Variants in COL6A5 observed in about 807,000 individuals in gnomAD.
COL6A5 encodes collagen alpha-5(VI) chain.
A neutral mutation model predicts 65.6 loss-of-function variants in COL6A5; 48 were observed. The observed-to-expected ratio is 0.73, with a 90% CI of 0.58 to 0.93. COL6A5 has a LOEUF of 0.93. COL6A5 is among the 40% of genes least tolerant of loss of function. The pLI, the probability that COL6A5 is intolerant of heterozygous loss-of-function variation, is 0.00. For synonymous variants in COL6A5, 291 were observed against 322.8 expected, an observed-to-expected ratio of 0.90 and a Z score of 1.05; for missense variants, 914 against 928.3, an observed-to-expected ratio of 0.98 and a Z score of 0.20.
At chr3:130,433,600 C>T (rs1489957491) in intron 1 of COL6A5, among the ~76,000 whole-genome samples, 1 of 152,098 alleles carries the variant, frequency 6.6e-6, no homozygotes, top group Non-Finnish European at 1.5e-5. Flanking sequence ...TCCTCTCTGT[C>T]CCCCTCTCTC....
At chr3:130,440,963 A>G (rs931694515) in intron 3 of COL6A5, 138 bp downstream of exon 35, 1 of 733,834 alleles carries the variant, frequency 1.4e-6, no homozygotes, top group South Asian at 1.9e-5. Flanking sequence ...GCAGGAATGG[A>G]TCATTTGCTG....
intron 25 of COL6A5, among the ~76,000 whole-genome samples, chr3:130,419,184 C>T (rs1330352104): frequency 1.3e-5 from 2 of 152,054 alleles, no homozygotes; most frequent in African/African-American, 4.8e-5. Context: ...CAGGGCATTT[C>T]AATACCTTAA....
At chr3:130,471,724 T>G in intron 7 of COL6A5, 1 of 1,534,710 alleles carries the variant, frequency 6.5e-7, no homozygotes, top group Non-Finnish European at 8.7e-7. Context: ...AAAATGGTGA[T>G]CTGTTTGATG....
chr3:130,366,069 AATGCTGCT>A, intron 1 of COL6A5, among the ~76,000 whole-genome samples: 1 of 152,224 alleles, frequency 6.6e-6, no homozygotes. Flanking sequence ...TATGGATAGT[AATGCTGCT>A]GATTTGGGGC....
chr3:130,394,202 GAGA>G (rs1226110419), intron 7 of COL6A5, among the ~76,000 whole-genome samples: 2 of 152,112 alleles, frequency 1.3e-5, no homozygotes, highest in African/African-American at 4.8e-5. Context: ...CACTTCTTCT[GAGA>G]AGTTCTAACA....
intron 2 of COL6A5, 45 bp downstream of exon 2, chr3:130,373,750 A>G (rs2107635102): frequency 8.3e-7 from 1 of 1,197,848 alleles, no homozygotes; most frequent in Non-Finnish European, 1.2e-6. Context: ...AAATATTTTT[A>G]CATCTCAGTA....
chr3:130,390,375 A>C (rs995552255), intron 6 of COL6A5, among the ~76,000 whole-genome samples: 2 of 152,186 alleles, frequency 1.3e-5, no homozygotes, highest in African/African-American at 2.4e-5. Flanking sequence ...AAAATTAAAA[A>C]TTTGAGACTT....
exon 11 of COL6A5, chr3:130,401,148 T>G (rs1488283477): frequency 1.3e-6 from 2 of 1,545,196 alleles, no homozygotes; most frequent in Non-Finnish European, 1.7e-6. Flanking sequence ...ATGAGAGAAC[T>G]GGGCAAAAAA....
At chr3:130,484,012 G>A (rs1486986686) in intron 7 of COL6A5, 23 bp from the exon 41 acceptor site, 1 of 1,603,438 alleles carries the variant, frequency 6.2e-7, no homozygotes, top group Non-Finnish European at 8.5e-7. Flanking sequence ...ATTAAAAGCA[G>A]TGAATATTGT....
intron 1 of COL6A5, among the ~76,000 whole-genome samples, chr3:130,349,874 C>A (rs1934637398): frequency 6.6e-6 from 1 of 152,174 alleles, no homozygotes; most frequent in South Asian, 2.1e-4. Flanking sequence ...TTATTAGTAG[C>A]CCAGGCTTCT....
upstream of COL6A5, among the ~76,000 whole-genome samples, chr3:130,429,223 A>C (rs1159266500): frequency 6.6e-6 from 1 of 152,224 alleles, no homozygotes; most frequent in African/African-American, 2.4e-5. Flanking sequence ...TCAGAAGGCT[A>C]TAAGATGAGG....
At chr3:130,482,831 A>G (rs1485754446) in intron 7 of COL6A5, among the ~76,000 whole-genome samples, 1 of 152,112 alleles carries the variant, frequency 6.6e-6, no homozygotes, top group Non-Finnish European at 1.5e-5. Context: ...TTCACTCATG[A>G]TTTGGCTCTC....
chr3:130,399,775 G>A (rs941880274), intron 10 of COL6A5, among the ~76,000 whole-genome samples: 16 of 151,018 alleles, frequency 1.1e-4, no homozygotes, highest in Non-Finnish European at 1.8e-4. Flanking sequence ...TTTTTTAGAT[G>A]GATTTTTGCT....
At chr3:130,392,811 C>G (rs1936447214) in intron 7 of COL6A5, among the ~76,000 whole-genome samples, 4 of 152,164 alleles carry the variant, frequency 2.6e-5, no homozygotes, top group Non-Finnish European at 5.9e-5. Flanking sequence ...ATAGCTTTAC[C>G]TTACTTAAGT....
chr3:130,410,639 C>A, intron 20 of COL6A5, 115 bp downstream of exon 20: 1 of 830,104 alleles, frequency 1.2e-6, no homozygotes, highest in Non-Finnish European at 1.9e-6. Flanking sequence ...TTTTTCAGGG[C>A]TTCTCCATCT....
At position 130,415,716 on chromosome 3, in the gene COL6A5, CT is replaced by C; in HGVS notation, c.4824+10del. On this transcript the variant is annotated intron_variant and NMD_transcript_variant, in intron 23 of 41. Coordinates refer to the COL6A5 transcript ENST00000312481. ...GGCAGAAAGGACCTCAGGTGAGTGACTCGGAGACATTAGGCTCAATGACTCT... is the reference window on the plus strand; with the variant it reads ...GGCAGAAAGGACCTCAGGTGAGTGACCGGAGACATTAGGCTCAATGACTCT... 6.5e-7 allele frequency: 1 copy of C among 1,544,874 alleles called. No individual in the cohort carries two copies.
intron 4 of COL6A5, among the ~76,000 whole-genome samples, chr3:130,445,778 A>C (rs1709290618): frequency 6.6e-6 from 1 of 152,190 alleles, no homozygotes; most frequent in South Asian, 2.1e-4. Flanking sequence ...AAATAAAATA[A>C]GTAGCCTCCA....
intron 5 of COL6A5, among the ~76,000 whole-genome samples, chr3:130,459,856 A>G (rs934258533): frequency 6.6e-6 from 1 of 152,018 alleles, no homozygotes; most frequent in African/African-American, 2.4e-5. Context: ...TTTCGTGGGC[A>G]TATAGGTTTA....
rs1559899829 is a variant in COL6A5, at chr3:130,431,612, CAA to C, written c.151_152del (p.Arg52SerfsTer7). 3.9e-6 allele frequency: 6 copies of C among 1,551,552 alleles called. No individual in the cohort carries two copies. Among genetic ancestry groups the C allele is most frequent in the Non-Finnish European group, 5.2e-6 (6 of 1,146,916 alleles). ...AGGGAAAATAACTGTCCTGTGGGAGCAAGAGTTGCCATGGTTTCCTATAACTC... is the reference window on the plus strand; with the variant it reads ...AGGGAAAATAACTGTCCTGTGGGAGCGAGTTGCCATGGTTTCCTATAACTC... On this transcript the variant is annotated frameshift_variant, in exon 1 of 8. Coordinates refer to ENST00000512836, the Ensembl canonical transcript of COL6A5. LOFTEE classifies it high-confidence loss of function.
Sources: allele counts gnomAD v4.1 joint callset (sites outside exome capture counted in the v4.1 genomes callset), GRCh38; gene constraint gnomAD v4.1.1; transcripts MANE v1.5; gene names NCBI Gene and HGNC (gene_info 2026-07-23, HGNC 2026-07-21).